The following ZAP70 variants were observed in gnomAD, a reference collection of about 807,000 sequenced individuals.
ZAP70 encodes the protein tyrosine-protein kinase ZAP-70.
In ZAP70, 27 loss-of-function variants were observed where a neutral mutation model predicts 65.8. The ratio of observed to expected loss-of-function variants is 0.41; its 90% CI spans 0.30 to 0.57. The LOEUF (loss-of-function observed/expected upper bound fraction) is 0.57, where lower values mean the gene tolerates loss of function less well. Ranked by LOEUF, ZAP70 falls within the 20% of genes least tolerant of loss-of-function variation. The pLI, the probability that ZAP70 is intolerant of heterozygous loss-of-function variation, is 0.28. For synonymous variants in ZAP70, 363 were observed against 360.8 expected (o/e 1.01, Z -0.07); for missense variants, 696 against 870.5 (o/e 0.80, Z 2.52).
chr2:97,743,706 T>C (rs933483133), downstream of ZAP70, among the ~76,000 whole-genome samples: 1 of 152,224 alleles, frequency 6.6e-6, no homozygotes, highest in African/African-American at 2.4e-5. Context: ...ATTGCAAAAT[T>C]CTTTTAAGGT....
At chr2:97,742,503 G>A (rs1444303293), downstream of ZAP70, among the ~76,000 whole-genome samples, 1 of 152,242 alleles carries the variant, frequency 6.6e-6, no homozygotes, top group African/African-American at 2.4e-5. Context: ...AGGCTGCCCT[G>A]TGGCCACATG....
intron 2 of ZAP70, among the ~76,000 whole-genome samples, chr2:97,717,587 G>A (rs891173653): frequency 2.0e-5 from 3 of 152,308 alleles, no homozygotes; most frequent in East Asian, 1.9e-4. Flanking sequence ...CTGCTCTGAC[G>A]ATGGGCATGT....
At chr2:97,735,923 G>A (rs945209938) in intron 10 of ZAP70, among the ~76,000 whole-genome samples, 1 of 152,326 alleles carries the variant, frequency 6.6e-6, no homozygotes, top group African/African-American at 2.4e-5. Context: ...CAGGAGAATC[G>A]CTTGAACCCA....
At position 97,733,544 on chromosome 2, in the gene ZAP70, C is replaced by G. The variant is rs760626189; in HGVS notation, c.838C>G (p.Pro280Ala). The G allele has an allele frequency of 5.0e-6, 8 of 1,613,498 alleles. No individual in the cohort carries two copies. The change falls in exon 8 of 14, where the codon CCT becomes GCT. Residue 280 changes from proline (P) to alanine (A), a missense_variant and splice_region_variant. Transcript: ENST00000264972. Reference protein sequence around the residue: ...LPAHPSTLTHPQRRIDTLNSD... With the variant: ...LPAHPSTLTHAQRRIDTLNSD... ...GCCTTGCTGACCCTGTGGCCTTTAG[C>G]CTCAGAGACGAATCGACACCCTCAA...
chr2:97,714,908 G>A (rs565093428), intron 2 of ZAP70, among the ~76,000 whole-genome samples: 5 of 152,252 alleles, frequency 3.3e-5, no homozygotes, highest in Non-Finnish European at 7.4e-5. Flanking sequence ...TGGAGCCTGG[G>A]GGCCTGGCTT....
At chr2:97,724,477 TG>T in intron 3 of ZAP70, 39 bp downstream of exon 3, 1 of 1,511,458 alleles carries the variant, frequency 6.6e-7, no homozygotes, top group Non-Finnish European at 8.8e-7. Flanking sequence ...TGGAGGGGCG[TG>T]GCCGAAGAGG....
chr2:97,717,354 G>A (rs1488568552), intron 2 of ZAP70, among the ~76,000 whole-genome samples: 2 of 142,286 alleles, frequency 1.4e-5, no homozygotes, highest in African/African-American at 6.0e-5. Flanking sequence ...GGGACATGCG[G>A]AGCCTCTGGC....
chr2:97,714,823 C>A (rs577270172), intron 2 of ZAP70, among the ~76,000 whole-genome samples: 1 of 152,306 alleles, frequency 6.6e-6, no homozygotes, highest in East Asian at 1.9e-4. Context: ...CTTCCTTTTC[C>A]TCTTCACACC....
intron 4 of ZAP70, among the ~76,000 whole-genome samples, chr2:97,728,605 G>T (rs746250257): frequency 1.3e-5 from 2 of 152,220 alleles, no homozygotes; most frequent in Non-Finnish European, 2.9e-5. Context: ...ACAGTTCATG[G>T]TTGCCGAAGA....
At chr2:97,719,499 G>A (rs1250856602) in intron 2 of ZAP70, among the ~76,000 whole-genome samples, 1 of 150,150 alleles carries the variant, frequency 6.7e-6, no homozygotes, top group Admixed American at 6.6e-5. Context: ...GTCACAGAGT[G>A]CTTGTCTGGT....
rs1313419932 is a variant in ZAP70 at position 97,724,371 on chromosome 2, C to T, written c.335C>T (p.Pro112Leu). 2 of 1,543,684 alleles carry T rather than the reference C, an allele frequency of 1.3e-6. No individual in the cohort carries two copies. Among genetic ancestry groups the T allele is most frequent in the East Asian group, 2.3e-5 (1 of 43,374 alleles). The change falls in exon 3 of 14, where the codon CCG becomes CTG. Residue 112 changes from proline to leucine, a missense_variant. Around this residue, in one of 3 missense-constraint regions of ZAP70, gnomAD observed 551 missense variants for 630.0 expected, o/e 0.87. Coordinates refer to ENST00000264972, the MANE Select transcript of ZAP70 (RefSeq NM_001079.4). Reference sequence around the variant, plus strand: ...CGGCCGTCGGGCCTCGAGCCGCAGCCGGGGGTCTTCGACTGCCTGCGAGAC... The same window carrying T: ...CGGCCGTCGGGCCTCGAGCCGCAGCTGGGGGTCTTCGACTGCCTGCGAGAC... Reference protein sequence around the residue: ...CNRPSGLEPQPGVFDCLRDAM... With the variant: ...CNRPSGLEPQLGVFDCLRDAM...
intron 2 of ZAP70, among the ~76,000 whole-genome samples, chr2:97,721,849 C>T (rs566186062): frequency 6.6e-5 from 10 of 151,218 alleles, no homozygotes; most frequent in East Asian, 5.8e-4. Context: ...GGCAGTGGCG[C>T]GATCTCAGCT....
the ZAP70 span, among the ~76,000 whole-genome samples, chr2:97,753,083 G>A: frequency 6.6e-6 from 1 of 152,186 alleles, no homozygotes; most frequent in African/African-American, 2.4e-5. Flanking sequence ...CAAAGCTGTT[G>A]AAATTTTATT....
intron 2 of ZAP70, among the ~76,000 whole-genome samples, chr2:97,721,684 G>A (rs547930584): frequency 5.7e-4 from 85 of 148,654 alleles, no homozygotes; most frequent in Non-Finnish European, 9.0e-4. Context: ...CACCCGCCTC[G>A]GCCTCCCATA....
chr2:97,755,860 T>C, the ZAP70 span, among the ~76,000 whole-genome samples: 3 of 152,216 alleles, frequency 2.0e-5, no homozygotes, highest in African/African-American at 4.8e-5. Context: ...GGACACAGAC[T>C]GTTCCTGAGA....
intron 2 of ZAP70, among the ~76,000 whole-genome samples, chr2:97,718,447 G>A (rs1441743364): frequency 1.3e-5 from 2 of 152,166 alleles, no homozygotes; most frequent in Non-Finnish European, 2.9e-5. Context: ...GGGAACTTGG[G>A]CCCCATGTTT....
chr2:97,739,304 A>G, intron 13 of ZAP70, 71 bp from the exon 14 acceptor site: 1 of 1,602,366 alleles, frequency 6.2e-7, no homozygotes, highest in Non-Finnish European at 8.5e-7. Context: ...AGCACAGTGC[A>G]TGCCCACCCA....
At chr2:97,720,012 G>T (rs6736752) in intron 2 of ZAP70, among the ~76,000 whole-genome samples, 1 of 152,268 alleles carries the variant, frequency 6.6e-6, no homozygotes, top group South Asian at 2.1e-4. Flanking sequence ...GCGTGTCTCC[G>T]TATGCTGTTC....
downstream of ZAP70, among the ~76,000 whole-genome samples, chr2:97,741,924 G>C (rs560776890): frequency 6.6e-6 from 1 of 152,258 alleles, no homozygotes. Flanking sequence ...AGAAGCTCCT[G>C]AGCCAGCTGA....
Sources: gnomAD v4.1 joint callset for allele counts (sites outside exome capture counted in the v4.1 genomes callset) on GRCh38, gnomAD v4.1.1 for gene constraint, gnomAD v4.1.1 regional missense constraint, MANE v1.5 for transcripts, NCBI Gene and HGNC (gene_info 2026-07-23, HGNC 2026-07-21) for gene names.